Variants in TRAPPC3L observed in about 807,000 individuals in gnomAD.
TRAPPC3L encodes the protein trafficking protein particle complex subunit 3L.
In TRAPPC3L, 23 loss-of-function variants were observed where a neutral mutation model predicts 23.7. That is an observed-to-expected ratio of 0.97 (90% CI 0.70 to 1.37). The LOEUF is 1.37. Ranked by LOEUF, TRAPPC3L falls within the 40% of genes most tolerant of loss-of-function variation. TRAPPC3L has a pLI of 0.00. For missense variants in TRAPPC3L, 212 were observed against 216.8 expected (o/e 0.98, Z 0.14); for synonymous variants, 81 against 77.9 (o/e 1.04, Z -0.21).
At chr6:116,525,714 G>T (rs765628779) in intron 3 of TRAPPC3L, among the ~76,000 whole-genome samples, 1 of 152,214 alleles carries the variant, frequency 6.6e-6, no homozygotes, top group Non-Finnish European at 1.5e-5. Context: ...GCCATTTCAA[G>T]AAATAGGATT....
rs34071551 is a variant in TRAPPC3L at position 116,496,633 on chromosome 6, CT to C, written c.*320del. ...TACACAACTGTTTGTATTTGTGCTG[CT>C]TTTTTTTCCCATTACCATACGTGAA... is the stretch of plus-strand genomic sequence containing the variant. On this transcript the variant is annotated 3_prime_UTR_variant, in exon 5 of 5. Transcript: ENST00000368602. 14 of 213,652 alleles carry C rather than the reference CT, an allele frequency of 6.6e-5. No individual in the cohort carries two copies. The highest frequency in any genetic ancestry group is 2.1e-4 in the South Asian group (2 of 9,700). The allele number at this position is 213,652 out of a possible 1,614,324, so 13.2% of individuals were successfully genotyped here. A position where few individuals can be genotyped will look rare whatever the true frequency, so the allele number is the denominator to read the frequency against.
At chr6:116,528,947 T>A (rs1484497304) in intron 3 of TRAPPC3L, 1 of 152,262 alleles carries the variant, frequency 6.6e-6, no homozygotes, top group Non-Finnish European at 1.5e-5. Flanking sequence ...CCTTTGTTGT[T>A]GTAGTTGTTG....
At chr6:116,507,509 G>A (rs186335951) in intron 3 of TRAPPC3L, among the ~76,000 whole-genome samples, 58 of 150,988 alleles carry the variant, frequency 3.8e-4, no homozygotes, top group African/African-American at 1.3e-3. Context: ...ACTCCATACT[G>A]CCCAGAACGT....
intron 3 of TRAPPC3L, among the ~76,000 whole-genome samples, chr6:116,527,526 A>C (rs1035041582): frequency 9.9e-5 from 15 of 151,740 alleles, no homozygotes; most frequent in African/African-American, 3.6e-4. Context: ...AAACAAAAAA[A>C]AAAAAAAAAA....
rs1442472756 is a variant in TRAPPC3L, at chr6:116,527,678, T to C, written c.240+12685A>G. Among the ~76,000 whole-genome samples, 7 of 152,348 alleles carry C rather than the reference T, an allele frequency of 4.6e-5. No individual in the cohort carries two copies. The South Asian group carries it at 1.2e-3, about 27-fold the overall frequency. On this transcript the variant is annotated intron_variant, in intron 3 of 4. Transcript: ENST00000368602. Reference sequence around the variant, plus strand: ...AAGTTTTGCCTTCCCTACAGTTTCATAAGTCAGTTTCACATGAGTTTCATC... The same window carrying C: ...AAGTTTTGCCTTCCCTACAGTTTCACAAGTCAGTTTCACATGAGTTTCATC...
At chr6:116,526,464 C>G (rs1018832730) in intron 3 of TRAPPC3L, among the ~76,000 whole-genome samples, 4 of 152,152 alleles carry the variant, frequency 2.6e-5, no homozygotes, top group African/African-American at 9.7e-5. Flanking sequence ...ACTTGGAGAG[C>G]ATTTAAAAAG....
At chr6:116,518,998 T>C (rs1238125765) in intron 3 of TRAPPC3L, 1 of 152,220 alleles carries the variant, frequency 6.6e-6, no homozygotes, top group African/African-American at 2.4e-5. Context: ...AGAAAACTTA[T>C]CTGTCCCACA....
At chr6:116,512,473 T>TC in intron 3 of TRAPPC3L, 2 of 502,896 alleles carry the variant, frequency 4.0e-6, no homozygotes, top group South Asian at 3.2e-5. Flanking sequence ...ATCCACTGGA[T>TC]TGTCCACATA....
chr6:116,512,242 A>G, intron 3 of TRAPPC3L: 2 of 1,585,718 alleles, frequency 1.3e-6, no homozygotes, highest in Non-Finnish European at 1.7e-6. Flanking sequence ...CTCAGGTAAG[A>G]AAAGACAAAC....
rs1771837632 is a variant in TRAPPC3L, at chr6:116,496,701, G to A, written c.*253C>T. 2.6e-6 allele frequency: 1 copy of A among 377,904 alleles called. No homozygotes were observed. The highest frequency in any genetic ancestry group is 4.6e-6 in the Non-Finnish European group (1 of 215,976). The allele number at this position is 377,904 out of a possible 1,614,324, so 23.4% of individuals were successfully genotyped here. The stretch of plus-strand genomic sequence containing the variant: ...TCTGAGGATGGATAGTGTAAGATGT[G>A]GAATTCCTGCCTGCTATCTTGTAAG... On this transcript the variant is annotated 3_prime_UTR_variant, in exon 5 of 5. Transcript: ENST00000368602.
intron 2 of TRAPPC3L, 129 bp from the exon 3 acceptor site, chr6:116,540,591 T>A (rs1773388973): frequency 2.3e-6 from 2 of 882,014 alleles, no homozygotes; most frequent in East Asian, 2.7e-5. Context: ...ATATGACGAG[T>A]CAAATGGCTT....
Position 116,496,813 on chromosome 6 carries a change from A to G in TRAPPC3L, c.*141T>C. 3.3e-6 allele frequency: 4 copies of G among 1,214,638 alleles called. No homozygotes were observed. The Admixed American group carries it at 1.5e-4, about 46-fold the overall frequency. The allele number at this position is 1,214,638 out of a possible 1,614,324, so 75.2% of individuals were successfully genotyped here. A position where few individuals can be genotyped will look rare whatever the true frequency, so the allele number is the denominator to read the frequency against. On this transcript the variant is annotated 3_prime_UTR_variant, in exon 5 of 5. Coordinates refer to ENST00000368602, the MANE Select transcript of TRAPPC3L (RefSeq NM_001139444.3). ...AGGAAAAAAAAACCTTTAAGCCTTC[A>G]TGCCCTGCATTTCAAATTTCTGGCT...
chr6:116,515,697 GT>G (rs1562340341), intron 3 of TRAPPC3L: 1 of 1,614,018 alleles, frequency 6.2e-7, no homozygotes, highest in Admixed American at 1.7e-5. Flanking sequence ...CTTCAGCTGA[GT>G]TTTTGGAAGA....
chr6:116,537,182 G>A (rs1273694641), intron 3 of TRAPPC3L, among the ~76,000 whole-genome samples: 2 of 152,200 alleles, frequency 1.3e-5, no homozygotes, highest in African/African-American at 4.8e-5. Flanking sequence ...TCTCCTCATT[G>A]ACAAGAAAGA....
chr6:116,517,235 A>T (rs1772246291), intron 3 of TRAPPC3L: 2 of 152,176 alleles, frequency 1.3e-5, no homozygotes, highest in African/African-American at 4.8e-5. Context: ...AGACACAAAC[A>T]TTCAGACTAT....
chr6:116,512,101 A>G (rs750429550), intron 3 of TRAPPC3L: 1 of 1,614,076 alleles, frequency 6.2e-7, no homozygotes, highest in South Asian at 1.1e-5. Context: ...CGAGAAGTTC[A>G]GGACTCCTGG....
intron 4 of TRAPPC3L, 82 bp from the exon 5 acceptor site, chr6:116,497,155 C>G (rs1170639738): frequency 2.1e-6 from 3 of 1,454,678 alleles, no homozygotes; most frequent in Non-Finnish European, 2.7e-6. Context: ...TTTCAGCTTT[C>G]TTTACTTTCC....
chr6:116,525,194 C>G (rs1772423287), intron 3 of TRAPPC3L, among the ~76,000 whole-genome samples: 1 of 152,176 alleles, frequency 6.6e-6, no homozygotes, highest in South Asian at 2.1e-4. Context: ...AAAGTCTCAA[C>G]TCTGTTGTCC....
At chr6:116,498,605 G>A (rs909351481) in intron 4 of TRAPPC3L, among the ~76,000 whole-genome samples, 2 of 152,148 alleles carry the variant, frequency 1.3e-5, no homozygotes, top group Non-Finnish European at 2.9e-5. Context: ...GCTGTTGTTG[G>A]CTCACCAATC....
Sources: gnomAD v4.1 joint callset for allele counts (sites outside exome capture counted in the v4.1 genomes callset) on GRCh38, gnomAD v4.1.1 for gene constraint, MANE v1.5 for transcripts, NCBI Gene and HGNC (gene_info 2026-07-23, HGNC 2026-07-21) for gene names.